SH3D19: variants seen among roughly 807,000 people sequenced by gnomAD.
SH3D19 encodes SH3 domain containing 19, also known as SH3 domain-containing protein 19.
In SH3D19, 58 loss-of-function variants were observed where a neutral mutation model predicts 112.1. That is an observed-to-expected ratio of 0.52 (90% confidence interval 0.42 to 0.64). The LOEUF (loss-of-function observed/expected upper bound fraction) is 0.64, where lower values mean the gene tolerates loss of function less well. Ranked by LOEUF, SH3D19 falls within the 30% of genes least tolerant of loss-of-function variation. The pLI, the probability that SH3D19 is intolerant of heterozygous loss-of-function variation, is 0.00. For missense variants in SH3D19, 1,090 were observed against 1,263.4 expected (o/e 0.86, Z 2.08); for synonymous variants, 391 against 448.5 (o/e 0.87, Z 1.62).
intron 1 of SH3D19, among the ~76,000 whole-genome samples, chr4:151,238,606 G>A (rs1431231530): frequency 6.6e-6 from 1 of 151,934 alleles, no homozygotes; most frequent in African/African-American, 2.4e-5. Context: ...GGGCTCCAAA[G>A]ACCAGGCACC....
intron 1 of SH3D19, among the ~76,000 whole-genome samples, chr4:151,302,218 C>G (rs1308190781): frequency 6.6e-6 from 1 of 152,194 alleles, no homozygotes; most frequent in Non-Finnish European, 1.5e-5. Flanking sequence ...ATAGGGATTG[C>G]TCCTTCGGCC....
intron 2 of SH3D19, among the ~76,000 whole-genome samples, chr4:151,195,161 G>A (rs1412728204): frequency 2.0e-5 from 3 of 151,376 alleles, no homozygotes; most frequent in Non-Finnish European, 4.4e-5. Flanking sequence ...ACGAGGTCAG[G>A]AGATCGAGAC....
intron 1 of SH3D19, among the ~76,000 whole-genome samples, chr4:151,229,039 T>TTC (rs1464043937): frequency 6.6e-6 from 1 of 150,546 alleles, no homozygotes; most frequent in Non-Finnish European, 1.5e-5. Context: ...AATTAAATTT[T>TTC]TTTTTTTTTT....
At chr4:151,189,148 C>G (rs1762241343) in intron 2 of SH3D19, among the ~76,000 whole-genome samples, 1 of 152,132 alleles carries the variant, frequency 6.6e-6, no homozygotes. Flanking sequence ...GAGTCTCGCT[C>G]TGTCGCCCAG....
chr4:151,145,653 A>G (rs1012235279), intron 11 of SH3D19, among the ~76,000 whole-genome samples: 1 of 152,180 alleles, frequency 6.6e-6, no homozygotes, highest in Non-Finnish European at 1.5e-5. Flanking sequence ...TGGTCTCTTC[A>G]CACAGACGTG....
At chr4:151,299,164 TTTGA>T (rs1728086522) in intron 1 of SH3D19, among the ~76,000 whole-genome samples, 2 of 152,352 alleles carry the variant, frequency 1.3e-5, no homozygotes, top group East Asian at 1.9e-4. Context: ...AGTTCACAGG[TTTGA>T]TTAATTTTAT....
intron 1 of SH3D19, among the ~76,000 whole-genome samples, chr4:151,270,906 T>C (rs1773181456): frequency 6.6e-6 from 1 of 152,180 alleles, no homozygotes; most frequent in Non-Finnish European, 1.5e-5. Context: ...AGGCCTGATA[T>C]ACACGTACTA....
intron 5 of SH3D19, 47 bp from the exon 6 acceptor site, chr4:151,176,734 A>G: frequency 8.2e-7 from 1 of 1,226,818 alleles, no homozygotes; most frequent in South Asian, 4.1e-5. Context: ...GGCAATAGCT[A>G]AGGTGTTGAC....
At chr4:151,183,540 G>A (rs1033450632) in intron 3 of SH3D19, among the ~76,000 whole-genome samples, 16 of 152,196 alleles carry the variant, frequency 1.1e-4, no homozygotes, top group Non-Finnish European at 2.4e-4. Flanking sequence ...GCTAGGAGCA[G>A]TTTGTTTCTT....
At chr4:151,322,964 A>G (rs1370251484) in intron 1 of SH3D19, among the ~76,000 whole-genome samples, 1 of 136,574 alleles carries the variant, frequency 7.3e-6, no homozygotes, top group East Asian at 2.3e-4. Context: ...AAAGGTTAAA[A>G]AAATGGTTAC....
At chr4:151,124,623 C>T (rs1045501412) in intron 19 of SH3D19, among the ~76,000 whole-genome samples, 8 of 151,694 alleles carry the variant, frequency 5.3e-5, no homozygotes, top group Admixed American at 3.3e-4. Context: ...GAGGCTGAGG[C>T]GGGAGAATTG....
chr4:151,291,465 G>C (rs1775333014), intron 1 of SH3D19: 1 of 1,532,394 alleles, frequency 6.5e-7, no homozygotes, highest in South Asian at 1.2e-5. Context: ...TCACAGGAGA[G>C]CCACTGCTAA....
At chr4:151,321,870 G>A (rs1359437670) in intron 1 of SH3D19, among the ~76,000 whole-genome samples, 1 of 152,198 alleles carries the variant, frequency 6.6e-6, no homozygotes, top group Non-Finnish European at 1.5e-5. Context: ...CACTGGATTA[G>A]TGTACCCACA....
At chr4:151,226,428 C>G (rs62346598) in intron 1 of SH3D19, 4 of 1,006,068 alleles carry the variant, frequency 4.0e-6, no homozygotes, top group Non-Finnish European at 4.7e-6. Context: ...TGCAAAGCCA[C>G]AGATTACTCA....
chr4:151,137,275 T>G (rs920238466), intron 14 of SH3D19, among the ~76,000 whole-genome samples: 2 of 152,010 alleles, frequency 1.3e-5, no homozygotes, highest in African/African-American at 4.8e-5. Context: ...CCAAATAAAT[T>G]TTTTTTTAAA....
intron 7 of SH3D19, among the ~76,000 whole-genome samples, chr4:151,167,657 T>C (rs1200936805): frequency 6.6e-6 from 1 of 152,220 alleles, no homozygotes; most frequent in Non-Finnish European, 1.5e-5. Flanking sequence ...TTCCGCCCTG[T>C]CTGGGACGTG....
chr4:151,253,823 A>C (rs1418897488), intron 1 of SH3D19, among the ~76,000 whole-genome samples: 1 of 152,150 alleles, frequency 6.6e-6, no homozygotes, highest in African/African-American at 2.4e-5. Context: ...ACTACAATAC[A>C]ACCTCTACGA....
intron 2 of SH3D19, among the ~76,000 whole-genome samples, chr4:151,198,669 A>G (rs1246595122): frequency 1.3e-5 from 2 of 151,790 alleles, no homozygotes; most frequent in Non-Finnish European, 1.5e-5. Context: ...AATGGTTGAG[A>G]AATAATGAAG....
intron 2 of SH3D19, among the ~76,000 whole-genome samples, chr4:151,216,659 A>T (rs1767158925): frequency 6.6e-6 from 1 of 152,190 alleles, no homozygotes; most frequent in Non-Finnish European, 1.5e-5. Flanking sequence ...AGTAATAAAC[A>T]CAAGACCAGC....
Sources: gnomAD v4.1 joint callset for allele counts (sites outside exome capture counted in the v4.1 genomes callset) on GRCh38, gnomAD v4.1.1 for gene constraint, MANE v1.5 for transcripts, NCBI Gene and HGNC (gene_info 2026-07-23, HGNC 2026-07-21) for gene names.